PXDNL: variants seen among roughly 807,000 people sequenced by gnomAD.
PXDNL encodes the protein peroxidasin like.
In PXDNL, 145 loss-of-function variants were observed where a neutral mutation model predicts 150.8. The ratio of observed to expected loss-of-function variants is 0.96; its 90% CI spans 0.84 to 1.10. The LOEUF (loss-of-function observed/expected upper bound fraction) is 1.10, where lower values mean the gene tolerates loss of function less well. PXDNL is among the 50% of genes least tolerant of loss of function. The pLI is 0.00. For missense variants in PXDNL, 2,087 were observed against 1,873.9 expected (o/e 1.11, Z -2.10); for synonymous variants, 757 against 725.7 (o/e 1.04, Z -0.69).
chr8:51,755,397 C>A (rs2130984799), intron 1 of PXDNL, among the ~76,000 whole-genome samples: 1 of 151,940 alleles, frequency 6.6e-6, no homozygotes, highest in African/African-American at 2.4e-5. Flanking sequence ...TGGGTTCAAG[C>A]AATTCTCCTG....
chr8:51,745,832 C>G lies in PXDNL; in HGVS notation c.164+63349G>C, dbSNP rs116437199. Among the ~76,000 whole-genome samples, 5 of 150,720 alleles carry G rather than the reference C, an allele frequency of 3.3e-5. No homozygotes were observed. The South Asian group carries it at 1.0e-3, about 31-fold the overall frequency. On this transcript the variant is annotated intron_variant, in intron 1 of 22. Transcript: ENST00000356297. ...GTGGTGAGACTGGAGTGCAGTGGTGCGACCTCAGCTCACTACAACCTCTGC... is the reference window on the plus strand; with the variant it reads ...GTGGTGAGACTGGAGTGCAGTGGTGGGACCTCAGCTCACTACAACCTCTGC...
chr8:51,780,979 A>T (rs2037409718), intron 1 of PXDNL, among the ~76,000 whole-genome samples: 1 of 151,950 alleles, frequency 6.6e-6, no homozygotes, highest in African/African-American at 2.4e-5. Context: ...TCTTTCATAG[A>T]ACACCAACCC....
At chr8:51,696,645 A>AGG (rs1816133049) in intron 1 of PXDNL, among the ~76,000 whole-genome samples, 1 of 292 alleles carries the variant, frequency 3.4e-3, no homozygotes, top group Non-Finnish European at 6.9e-3. Context: ...GCATACGCAC[A>AGG]TCCACACACA....
intron 1 of PXDNL, among the ~76,000 whole-genome samples, chr8:51,802,113 T>A (rs576613664): frequency 2.0e-5 from 3 of 152,210 alleles, no homozygotes; most frequent in Admixed American, 6.5e-5. Flanking sequence ...ATTTTTTTTT[T>A]AAAGAAGTTA....
At chr8:51,589,951 G>C (rs768986709) in intron 3 of PXDNL, among the ~76,000 whole-genome samples, 1 of 152,110 alleles carries the variant, frequency 6.6e-6, no homozygotes, top group Non-Finnish European at 1.5e-5. Context: ...GTGAACAGGA[G>C]AAAGACTTCA....
At chr8:51,346,147 A>G (rs1806150715) in intron 19 of PXDNL, among the ~76,000 whole-genome samples, 200 bp from the exon 20 acceptor site, 1 of 152,208 alleles carries the variant, frequency 6.6e-6, no homozygotes, top group African/African-American at 2.4e-5. Flanking sequence ...ATGTCACTGA[A>G]TCTCTGTTTT....
intron 4 of PXDNL, among the ~76,000 whole-genome samples, chr8:51,545,308 C>T (rs1440032803): frequency 6.6e-6 from 1 of 152,044 alleles, no homozygotes; most frequent in East Asian, 1.9e-4. Context: ...TCCATTTTGT[C>T]TTTATTTAAA....
intron 1 of PXDNL, among the ~76,000 whole-genome samples, chr8:51,789,033 T>A (rs2129254221): frequency 6.6e-6 from 1 of 152,266 alleles, no homozygotes; most frequent in East Asian, 1.9e-4. Context: ...TTCTTTTTTT[T>A]AATACCCCAT....
intron 1 of PXDNL, among the ~76,000 whole-genome samples, chr8:51,674,412 T>C (rs1201698288): frequency 6.6e-6 from 1 of 152,218 alleles, no homozygotes; most frequent in Non-Finnish European, 1.5e-5. Flanking sequence ...TAAAGGAGAA[T>C]GCCTGAAATA....
At chr8:51,648,195 T>C (rs1814963904) in intron 2 of PXDNL, among the ~76,000 whole-genome samples, 1 of 152,244 alleles carries the variant, frequency 6.6e-6, no homozygotes, top group Non-Finnish European at 1.5e-5. Flanking sequence ...TTTACCTTTC[T>C]GTAGTAGGCT....
At chr8:51,417,776 AC>A (rs1808836445) in intron 14 of PXDNL, among the ~76,000 whole-genome samples, 1 of 152,094 alleles carries the variant, frequency 6.6e-6, no homozygotes, top group Non-Finnish European at 1.5e-5. Context: ...TACCATACAC[AC>A]TGATGGTAAT....
At position 51,339,671 on chromosome 8, in the gene PXDNL, T is replaced by C; in HGVS notation, c.4099A>G (p.Thr1367Ala). ...AKTKFSQDFS[T>A]FAAEIQETIT... is the part of the protein sequence containing the mutation. ...GTTTCCTGAATTTCCGCTGCAAACG[T>C]GCTGAAATCTTGGGAGAACTTTGTT... Residue 1367 changes from threonine to alanine, a missense_variant, in exon 21 of 23, where the codon ACG (threonine) becomes GCG (alanine). Transcript: ENST00000356297. 1 of 1,613,790 alleles carries C rather than the reference T, an allele frequency of 6.2e-7. No individual in the cohort carries two copies. The highest frequency in any genetic ancestry group is 8.5e-7 in the Non-Finnish European group (1 of 1,179,764).
intron 2 of PXDNL, among the ~76,000 whole-genome samples, chr8:51,634,007 G>GT (rs1814548567): frequency 1.3e-5 from 2 of 151,982 alleles, no homozygotes; most frequent in African/African-American, 2.4e-5. Flanking sequence ...GTCAATTTTT[G>GT]TTTTTGTTGC....
intron 20 of PXDNL, 55 bp from the exon 21 acceptor site, chr8:51,339,808 T>G: frequency 6.5e-7 from 1 of 1,544,794 alleles, no homozygotes; most frequent in South Asian, 1.2e-5. Flanking sequence ...GTGTGAGAAT[T>G]TTAAAATATC....
intron 1 of PXDNL, among the ~76,000 whole-genome samples, chr8:51,801,819 G>A (rs1023712072): frequency 6.6e-6 from 1 of 152,182 alleles, no homozygotes; most frequent in Non-Finnish European, 1.5e-5. Flanking sequence ...TATTTAGTTA[G>A]ATAAAATGTC....
chr8:51,614,133 A>G (rs553721339), intron 2 of PXDNL, among the ~76,000 whole-genome samples: 1 of 152,346 alleles, frequency 6.6e-6, no homozygotes, highest in South Asian at 2.1e-4. Context: ...AACTTTCAGA[A>G]TTATAGAATC....
intron 1 of PXDNL, among the ~76,000 whole-genome samples, chr8:51,691,602 ATAAAGTT>A (rs1209611737): frequency 1.3e-5 from 2 of 152,176 alleles, no homozygotes; most frequent in Admixed American, 6.5e-5. Flanking sequence ...TAAATATAAA[ATAAAGTT>A]TAAAGTTGAA....
intron 21 of PXDNL, among the ~76,000 whole-genome samples, chr8:51,323,843 G>A (rs1805398790): frequency 6.6e-6 from 1 of 151,500 alleles, no homozygotes; most frequent in African/African-American, 2.4e-5. Flanking sequence ...TTGAACCCAA[G>A]AGGTAGAAGT....
At chr8:51,507,805 G>T (rs1811324663) in intron 4 of PXDNL, among the ~76,000 whole-genome samples, 1 of 152,172 alleles carries the variant, frequency 6.6e-6, no homozygotes, top group African/African-American at 2.4e-5. Context: ...AGGGACCAGG[G>T]TGTTGCTCAA....
Sources: gnomAD v4.1 joint callset for allele counts (sites outside exome capture counted in the v4.1 genomes callset) on GRCh38, gnomAD v4.1.1 for gene constraint, MANE v1.5 for transcripts, NCBI Gene and HGNC (gene_info 2026-07-23, HGNC 2026-07-21) for gene names.